The following TENM2 variants were observed in gnomAD, a reference collection of about 807,000 sequenced individuals.
The protein encoded by TENM2 is teneurin-2.
Under a neutral mutation model 245.2 loss-of-function variants are expected in TENM2, and 52 were observed. That is an observed-to-expected ratio of 0.21 (90% CI 0.17 to 0.27). The LOEUF (loss-of-function observed/expected upper bound fraction) is 0.27. TENM2 is among the 10% of genes least tolerant of loss of function. TENM2 has a pLI of 1.00. For synonymous variants in TENM2, 1,363 were observed against 1,438.9 expected, an observed-to-expected ratio of 0.95 and a Z score of 1.19; for missense variants, 3,046 against 3,666.8, an observed-to-expected ratio of 0.83 and a Z score of 4.37.
chr5:167,155,495 G>A, the TENM2 span, among the ~76,000 whole-genome samples: 11 of 152,256 alleles, frequency 7.2e-5, no homozygotes, highest in African/African-American at 2.4e-4. Context: ...ACCCTTTTTA[G>A]CAGGGATCCT....
intron 1 of TENM2, among the ~76,000 whole-genome samples, chr5:167,340,977 C>G (rs1185989253): frequency 6.6e-6 from 1 of 151,824 alleles, no homozygotes; most frequent in Non-Finnish European, 1.5e-5. Context: ...CATGCTTTCT[C>G]TCTCCTCCCG....
In TENM2 at chr5:168,218,973, T is replaced by C. The variant is rs1040350686; in HGVS notation, c.5082T>C (p.Asp1694=). The C allele has an allele frequency of 1.9e-6, 3 of 1,613,448 alleles. No homozygotes were observed. The highest frequency in any genetic ancestry group is 2.5e-6 in the Non-Finnish European group (3 of 1,179,704). ...CTGGGCTCCTGGCCACCAAGAGCGA[T>C]GAAACAGGATGGACGACTTTCTATG... is the stretch of plus-strand genomic sequence containing the variant. Residue 1694 remains aspartate, a synonymous_variant, in exon 23 of 29, where the codon GAT becomes GAC. Coordinates refer to ENST00000518659, the Ensembl canonical transcript of TENM2. The surrounding 1 kb of genome is among the most constrained non-coding windows in gnomAD (Gnocchi z 5.2).
intron 2 of TENM2, among the ~76,000 whole-genome samples, chr5:167,763,284 A>G (rs1245101405): frequency 6.6e-6 from 1 of 152,142 alleles, no homozygotes; most frequent in Non-Finnish European, 1.5e-5. Context: ...TTTCTTACCT[A>G]TGTGGACCAT....
the TENM2 span, among the ~76,000 whole-genome samples, chr5:167,068,488 C>G: frequency 0.44 from 66,362 of 151,994 alleles, 15,051 homozygotes; most frequent in African/African-American, 0.52. Context: ...ACCTGAGATA[C>G]CAAACCTTAT....
chr5:167,739,387 T>C (rs1290777218), intron 2 of TENM2, among the ~76,000 whole-genome samples: 1 of 152,204 alleles, frequency 6.6e-6, no homozygotes, highest in Non-Finnish European at 1.5e-5. Context: ...AGTAATTCTC[T>C]TTCCTCCAAG....
intron 2 of TENM2, among the ~76,000 whole-genome samples, chr5:167,604,947 T>C (rs1383148051): frequency 6.6e-6 from 1 of 152,222 alleles, no homozygotes. Flanking sequence ...TTGAAAGATA[T>C]TGTGGAAACA....
chr5:167,364,223 A>T (rs943161794), intron 1 of TENM2, among the ~76,000 whole-genome samples: 35 of 152,130 alleles, frequency 2.3e-4, no homozygotes, highest in African/African-American at 8.2e-4. Context: ...AGAGGCACAA[A>T]ATATATCAAG....
chr5:167,560,575 A>G (rs1773521084), intron 2 of TENM2, among the ~76,000 whole-genome samples: 1 of 152,174 alleles, frequency 6.6e-6, no homozygotes, highest in Non-Finnish European at 1.5e-5. Flanking sequence ...AGTCTTGAGC[A>G]CATTATTTGT....
chr5:167,741,475 G>A (rs78040630), intron 2 of TENM2, among the ~76,000 whole-genome samples: 3,678 of 152,192 alleles, frequency 0.024, 150 homozygotes, highest in African/African-American at 0.084. Context: ...TTCCAGTTGT[G>A]GGTCATCTCT....
chr5:167,474,353 A>G (rs1428781495), intron 2 of TENM2, among the ~76,000 whole-genome samples: 1 of 152,118 alleles, frequency 6.6e-6, no homozygotes, highest in Non-Finnish European at 1.5e-5. Flanking sequence ...TCTTCACCTC[A>G]GTCTGAGGGT....
At chr5:166,979,139 G>C in the TENM2 span, among the ~76,000 whole-genome samples, 1 of 148,100 alleles carries the variant, frequency 6.8e-6, no homozygotes, top group Non-Finnish European at 1.5e-5. Context: ...GGCTCAGGTC[G>C]TGCTTGGGCG....
In TENM2 at chr5:167,751,112, G is replaced by A. The variant is rs74637133; in HGVS notation, c.503-124874G>A. Reference sequence around the variant, plus strand: ...GTTGAAAGGACAGGGTTGCCAGGGTGGAGAGAGGAAGCAGGGGAGAGGAGG... The same window carrying A: ...GTTGAAAGGACAGGGTTGCCAGGGTAGAGAGAGGAAGCAGGGGAGAGGAGG... On this transcript the variant is annotated intron_variant, in intron 2 of 28. Coordinates refer to ENST00000518659, the Ensembl canonical transcript of TENM2. Among the ~76,000 whole-genome samples, 23 of 152,224 alleles carry A rather than the reference G, an allele frequency of 1.5e-4. No individual in the cohort carries two copies. In the East Asian group the frequency reaches 3.5e-3, roughly 23 times the overall value.
chr5:168,014,852 G>T (rs73803828), intron 5 of TENM2, among the ~76,000 whole-genome samples: 1 of 152,140 alleles, frequency 6.6e-6, no homozygotes, highest in Non-Finnish European at 1.5e-5. Context: ...AGATGAAGAA[G>T]GGCTCTTGGG....
chr5:167,016,342 C>CGTTA, the TENM2 span, among the ~76,000 whole-genome samples: 1 of 149,124 alleles, frequency 6.7e-6, no homozygotes, highest in Admixed American at 6.7e-5. Flanking sequence ...CCTGAAAAAT[C>CGTTA]GTTAGTGTAC....
intron 2 of TENM2, among the ~76,000 whole-genome samples, chr5:167,774,603 A>G (rs1310852447): frequency 6.6e-6 from 1 of 152,214 alleles, no homozygotes; most frequent in East Asian, 1.9e-4. Flanking sequence ...TTTAATTCAT[A>G]CATGGATACC....
At chr5:167,935,481 C>G (rs539067111) in intron 3 of TENM2, among the ~76,000 whole-genome samples, 181 of 152,312 alleles carry the variant, frequency 1.2e-3, no homozygotes, top group Non-Finnish European at 2.2e-3. Flanking sequence ...AAACTGTGAT[C>G]TAATGAACCG....
At chr5:168,060,255 AAACTT>A (rs1392021067) in intron 6 of TENM2, among the ~76,000 whole-genome samples, 1 of 151,930 alleles carries the variant, frequency 6.6e-6, no homozygotes, top group Non-Finnish European at 1.5e-5. Context: ...AAAAAGAAAA[AAACTT>A]TAAGCAGACA....
chr5:167,913,736 C>G lies in TENM2; in HGVS notation c.712+37541C>G, dbSNP rs183463415. On this transcript the variant is annotated intron_variant, in intron 3 of 28. Coordinates refer to ENST00000518659, the Ensembl canonical transcript of TENM2. ...TCTGGCCATCCCATCCCCAGGAAGT[C>G]TATTTACTCCAGAAACTACTGTGAT... is the stretch of plus-strand genomic sequence containing the variant. Among the ~76,000 whole-genome samples the G allele has an allele frequency of 3.8e-4, 58 of 152,306 alleles. 1 individual carries two copies. In the East Asian group the frequency reaches 4.3e-3, roughly 11 times the overall value.
chr5:168,252,664 T>G (rs940856232), intron 27 of TENM2, among the ~76,000 whole-genome samples: 1 of 151,408 alleles, frequency 6.6e-6, no homozygotes, highest in Admixed American at 6.6e-5. Context: ...AGTAACATGG[T>G]GAAACCCCGT....
Sources: allele counts gnomAD v4.1 joint callset (sites outside exome capture counted in the v4.1 genomes callset), GRCh38; gene constraint gnomAD v4.1.1; non-coding constraint Gnocchi (gnomAD v3.1); transcripts MANE v1.5; gene names NCBI Gene and HGNC (gene_info 2026-07-23, HGNC 2026-07-21).